The following TXNDC11 variants were observed in gnomAD, a reference collection of about 807,000 sequenced individuals.
The protein encoded by TXNDC11 is thioredoxin domain-containing protein 11.
Under a neutral mutation model 78.0 loss-of-function variants are expected in TXNDC11, and 68 were observed. That is an observed-to-expected ratio of 0.87 (90% CI 0.72 to 1.07). The LOEUF (loss-of-function observed/expected upper bound fraction) is 1.07. Among genes scored for constraint, TXNDC11 ranks in the 50% least tolerant of loss-of-function variants. The probability of loss-of-function intolerance (pLI) is 0.00; values close to 1 mark genes in which losing one functional copy is unlikely to be tolerated. For synonymous variants in TXNDC11, 571 were observed against 495.2 expected (o/e 1.15, Z -2.03); for missense variants, 1,389 against 1,221.8 (o/e 1.14, Z -2.04).
In TXNDC11 at chr16:11,691,690, G is replaced by A; in HGVS notation, c.1500C>T (p.Ser500=). 1.9e-6 allele frequency: 3 copies of A among 1,614,174 alleles called. No homozygotes were observed. The highest frequency in any genetic ancestry group is 2.5e-6 in the Non-Finnish European group (3 of 1,180,038). Residue 500 remains serine (S), a synonymous_variant, in exon 8 of 12, where the codon AGC becomes AGT. Transcript: ENST00000283033. ...IECSNFLTSY[S]PFSYYTACCR... ...AACATGCAGTGTAGTAGCTGAAGGG[G>A]CTATAGGAAGTTAAAAAATTGCTGC...
At chr16:11,703,500 G>C (rs2141039716) in intron 5 of TXNDC11, among the ~76,000 whole-genome samples, 1 of 140,792 alleles carries the variant, frequency 7.1e-6, no homozygotes, top group African/African-American at 2.7e-5. Context: ...ATAAACTTAA[G>C]GCTTTTGATA....
intron 8 of TXNDC11, among the ~76,000 whole-genome samples, chr16:11,690,380 CACTT>C (rs1234630041): frequency 1.3e-5 from 2 of 152,226 alleles, no homozygotes; most frequent in African/African-American, 2.4e-5. Flanking sequence ...TTGCGACTGA[CACTT>C]ATTTATTTGC....
At position 11,736,154 on chromosome 16, in the gene TXNDC11, G is replaced by T. The variant is rs2052214356; in HGVS notation, c.334C>A (p.Gln112Lys). Residue 112 changes from glutamine (Q) to lysine (K), a missense_variant, in exon 2 of 12, where the codon CAG becomes AAG. Coordinates refer to ENST00000283033, the MANE Select transcript of TXNDC11 (RefSeq NM_015914.7). ...SLRSPVLDLF[Q>K]GQLDYAEYVR... ...TACTCTGCATAATCCAGCTGCCCCTGGAAGAGGTCAAGGACTGGAGACCTC... is the reference window on the plus strand; with the variant it reads ...TACTCTGCATAATCCAGCTGCCCCTTGAAGAGGTCAAGGACTGGAGACCTC... 6.2e-7 allele frequency: 1 copy of T among 1,614,048 alleles called. No homozygotes were observed. Among genetic ancestry groups the T allele is most frequent in the African/African-American group, 1.3e-5 (1 of 74,914 alleles).
At position 11,679,432 on chromosome 16, in the gene TXNDC11, C is replaced by T. The variant is rs2050354619; in HGVS notation, c.2640G>A (p.Leu880=). 1 of 1,613,406 alleles carries T rather than the reference C, an allele frequency of 6.2e-7. No individual in the cohort carries two copies. The highest frequency in any genetic ancestry group is 8.5e-7 in the Non-Finnish European group (1 of 1,179,766). ...TAAGGAGGTTTTCTGAGGCATCGGC[C>T]AGCTCCTGCAGCTTGCGGGCCAGCT... The part of the protein sequence containing the change: ...LQELARKLQE[L]ADASENLLTE... Residue 880 remains leucine, a synonymous_variant, in exon 12 of 12, where the codon CTG becomes CTA. Coordinates refer to ENST00000283033, the MANE Select transcript of TXNDC11 (RefSeq NM_015914.7). This position sits in a 1 kb window ranked among gnomAD's most constrained non-coding sequence, Gnocchi z 4.6.
chr16:11,708,227 G>A (rs2051240149), intron 5 of TXNDC11, among the ~76,000 whole-genome samples: 1 of 152,186 alleles, frequency 6.6e-6, no homozygotes, highest in Non-Finnish European at 1.5e-5. Flanking sequence ...GATAAATCCA[G>A]CAGCCAGCAA....
In TXNDC11 at chr16:11,679,318, T is replaced by C. The variant is rs140722223; in HGVS notation, c.2754A>G (p.Arg918=). 1.2e-4 allele frequency: 195 copies of C among 1,612,588 alleles called. No homozygotes were observed. Among genetic ancestry groups the C allele is most frequent in the Admixed American group, 4.5e-4 (27 of 59,878 alleles). The change falls in exon 12 of 12, where the codon AGA becomes AGG. Residue 918 remains arginine (R), a synonymous_variant. Coordinates refer to ENST00000283033, the MANE Select transcript of TXNDC11 (RefSeq NM_015914.7). This position sits in a 1 kb window ranked among gnomAD's most constrained non-coding sequence, Gnocchi z 4.6. ...GCTCAGGCTGCTTGGGGTGGACCTCTCTCTGGGCCGCCAGGCTTTCAGCTC... is the reference window on the plus strand; with the variant it reads ...GCTCAGGCTGCTTGGGGTGGACCTCCCTCTGGGCCGCCAGGCTTTCAGCTC... The part of the protein sequence containing the change: ...RDGAESLAAQ[R]EVHPKQPEPS...
At chr16:11,695,067 C>T (rs1442283772) in intron 7 of TXNDC11, among the ~76,000 whole-genome samples, 1 of 152,220 alleles carries the variant, frequency 6.6e-6, no homozygotes, top group East Asian at 1.9e-4. Context: ...AAACAAGTCA[C>T]GAAGACTCTT....
intron 5 of TXNDC11, among the ~76,000 whole-genome samples, chr16:11,707,557 T>G (rs2051219308): frequency 6.6e-6 from 1 of 151,804 alleles, no homozygotes; most frequent in Non-Finnish European, 1.5e-5. Context: ...CAAGCGATTC[T>G]CCTGCCTCAG....
At chr16:11,724,982 T>C (rs58597795) in intron 4 of TXNDC11, among the ~76,000 whole-genome samples, 5,935 of 152,172 alleles carry the variant, frequency 0.039, 401 homozygotes, top group African/African-American at 0.14. Flanking sequence ...CCTGACCTCA[T>C]GATCTGCCCG....
chr16:11,717,832 A>G (rs1001022535), intron 5 of TXNDC11, among the ~76,000 whole-genome samples: 7 of 151,924 alleles, frequency 4.6e-5, no homozygotes, highest in African/African-American at 1.7e-4. Context: ...AAAAAAAAAA[A>G]GAAAGGCTAA....
At chr16:11,686,859 T>C (rs6498238) in intron 10 of TXNDC11, among the ~76,000 whole-genome samples, 3,168 of 152,330 alleles carry the variant, frequency 0.021, 120 homozygotes, top group African/African-American at 0.073. Flanking sequence ...CATTTGCAGC[T>C]TGAAACTCTG....
intron 1 of TXNDC11, among the ~76,000 whole-genome samples, chr16:11,738,661 G>GAAAAA (rs58616825): frequency 7.2e-6 from 1 of 138,374 alleles, no homozygotes; most frequent in African/African-American, 2.6e-5. Flanking sequence ...GGCACTACAG[G>GAAAAA]AAAAAAAAAA....
intron 9 of TXNDC11, 146 bp from the exon 10 acceptor site, chr16:11,688,112 C>A: frequency 2.2e-6 from 2 of 902,806 alleles, no homozygotes; most frequent in South Asian, 1.6e-5. Context: ...TAGGTCTTTC[C>A]AATACTGTGC....
intron 10 of TXNDC11, among the ~76,000 whole-genome samples, chr16:11,686,040 C>G (rs2050559986): frequency 6.6e-6 from 1 of 152,144 alleles, no homozygotes; most frequent in African/African-American, 2.4e-5. Context: ...CTCCCTGTAA[C>G]CTCCGGCTGC....
chr16:11,705,348 T>C (rs1045275001), intron 5 of TXNDC11, among the ~76,000 whole-genome samples: 1 of 152,250 alleles, frequency 6.6e-6, no homozygotes, highest in Non-Finnish European at 1.5e-5. Context: ...AGTTGAAGAT[T>C]TTTAAAAACT....
At chr16:11,696,282 T>A (rs774803050) in intron 7 of TXNDC11, among the ~76,000 whole-genome samples, 12 of 152,086 alleles carry the variant, frequency 7.9e-5, no homozygotes, top group Non-Finnish European at 1.8e-4. Context: ...CCCCTACAAG[T>A]CCGTCTCGAA....
At chr16:11,690,010 T>C (rs1252766947) in intron 8 of TXNDC11, 1 of 152,180 alleles carries the variant, frequency 6.6e-6, no homozygotes, top group African/African-American at 2.4e-5. Context: ...CACAAATGTG[T>C]CTAATGTAAG....
chr16:11,725,326 C>T (rs1175880783), intron 4 of TXNDC11, among the ~76,000 whole-genome samples: 1 of 150,494 alleles, frequency 6.6e-6, no homozygotes, highest in African/African-American at 2.5e-5. Context: ...CATCATCCTT[C>T]ATCCATATTT....
intron 10 of TXNDC11, among the ~76,000 whole-genome samples, chr16:11,687,505 C>G (rs77314133): frequency 0.039 from 5,979 of 152,286 alleles, 419 homozygotes; most frequent in African/African-American, 0.14. Context: ...GTGGAGAGAT[C>G]TGCTTGGGAT....
Sources: allele counts gnomAD v4.1 joint callset (sites outside exome capture counted in the v4.1 genomes callset), GRCh38; gene constraint gnomAD v4.1.1; non-coding constraint Gnocchi (gnomAD v3.1); transcripts MANE v1.5; gene names NCBI Gene and HGNC (gene_info 2026-07-23, HGNC 2026-07-21).